The following SPATS2L variants were observed in gnomAD, a reference collection of about 807,000 sequenced individuals.
SPATS2L encodes spermatogenesis associated serine rich 2 like.
Under a neutral mutation model 59.6 loss-of-function variants are expected in SPATS2L, and 30 were observed. The observed-to-expected ratio is 0.50, with a 90% CI of 0.38 to 0.68. SPATS2L has a LOEUF of 0.68. Among genes scored for constraint, SPATS2L ranks in the 30% least tolerant of loss-of-function variants. SPATS2L has a pLI of 0.00. For missense variants in SPATS2L, 615 were observed against 700.0 expected (o/e 0.88, Z 1.37); for synonymous variants, 252 against 263.5 (o/e 0.96, Z 0.42).
intron 2 of SPATS2L, among the ~76,000 whole-genome samples, chr2:200,387,300 C>T (rs1053782227): frequency 6.6e-6 from 1 of 152,142 alleles, no homozygotes; most frequent in Non-Finnish European, 1.5e-5. Flanking sequence ...TAGAACTTAC[C>T]ATTTGGAGGG....
Position 200,418,439 on chromosome 2 carries a change from T to G in SPATS2L, c.199-811T>G, listed in dbSNP as rs192063559. Among the ~76,000 whole-genome samples the G allele has an allele frequency of 2.1e-3, 316 of 152,194 alleles. 1 individual carries two copies. Among genetic ancestry groups the G allele is most frequent in the Non-Finnish European group, 3.4e-3 (234 of 68,006 alleles). ...CATTTTAAAAAATAGCTGCATGTGG[T>G]GGTGCATGCCTGTAGTAACAGCTAC... On this transcript the variant is annotated intron_variant, in intron 5 of 12. Coordinates refer to ENST00000409140, the MANE Select transcript of SPATS2L (RefSeq NM_001100423.2).
chr2:200,425,378 G>A (rs761364425), intron 6 of SPATS2L, among the ~76,000 whole-genome samples: 1 of 152,142 alleles, frequency 6.6e-6, no homozygotes, highest in Non-Finnish European at 1.5e-5. Flanking sequence ...AAAGTCAAAT[G>A]TGTGTATCTA....
intron 2 of SPATS2L, among the ~76,000 whole-genome samples, chr2:200,359,372 A>G (rs1045446351): frequency 1.3e-5 from 2 of 152,158 alleles, no homozygotes; most frequent in Non-Finnish European, 2.9e-5. Context: ...CTTGCACCCT[A>G]ACCTCAGAAT....
chr2:200,402,557 G>A (rs2105960959), intron 3 of SPATS2L, among the ~76,000 whole-genome samples: 1 of 152,254 alleles, frequency 6.6e-6, no homozygotes, highest in Admixed American at 6.5e-5. Flanking sequence ...GTCCTTGGAG[G>A]GGGCTTCCCT....
At chr2:200,459,633 T>C (rs543381146) in intron 8 of SPATS2L, 136 bp from the exon 9 acceptor site, 1 of 703,070 alleles carries the variant, frequency 1.4e-6, no homozygotes, top group Non-Finnish European at 2.4e-6. Context: ...AGTGTACTGC[T>C]GGCATTGTAG....
Position 200,412,313 on chromosome 2 carries a change from C to A in SPATS2L, c.42C>A (p.Ile14=). Residue 14 remains isoleucine, a splice_region_variant and synonymous_variant, in exon 4 of 13, where the codon ATC becomes ATA. Transcript: ENST00000409140. The part of the protein sequence containing the change: ...LNTHVNVKEK[I]YAVRSVVPNK... ...CTTTTTTTTTTTTTCCTTTACAGAT[C>A]TATGCAGTTAGATCAGTTGTTCCCA... 2.0e-6 allele frequency: 3 copies of A among 1,494,408 alleles called. No homozygotes were observed. Among genetic ancestry groups the A allele is most frequent in the Non-Finnish European group, 2.7e-6 (3 of 1,099,194 alleles). 92.6% of individuals were successfully genotyped at this position (1,494,408 alleles called of 1,614,324 possible).
chr2:200,411,459 C>T (rs968946672), intron 3 of SPATS2L, among the ~76,000 whole-genome samples: 1 of 144,192 alleles, frequency 6.9e-6, no homozygotes, highest in Non-Finnish European at 1.5e-5. Flanking sequence ...GATCACTTAC[C>T]TTTGCACCAT....
At chr2:200,365,349 G>A (rs913514681) in intron 2 of SPATS2L, among the ~76,000 whole-genome samples, 3 of 152,176 alleles carry the variant, frequency 2.0e-5, no homozygotes, top group African/African-American at 7.2e-5. Flanking sequence ...AAGATCATGG[G>A]GCTCAAGGAG....
chr2:200,380,277 C>T (rs1181497354), intron 2 of SPATS2L, among the ~76,000 whole-genome samples: 1 of 152,200 alleles, frequency 6.6e-6, no homozygotes, highest in Non-Finnish European at 1.5e-5. Flanking sequence ...AATCTTCATT[C>T]ATAAGCATTT....
intron 12 of SPATS2L, among the ~76,000 whole-genome samples, chr2:200,473,841 AAC>A (rs2087276648): frequency 6.6e-6 from 1 of 152,024 alleles, no homozygotes; most frequent in Admixed American, 6.5e-5. Context: ...CTCTACTAAA[AAC>A]ACAAAATTTA....
At chr2:200,345,685 A>G (rs540790950) in intron 2 of SPATS2L, among the ~76,000 whole-genome samples, 2 of 152,172 alleles carry the variant, frequency 1.3e-5, no homozygotes, top group Non-Finnish European at 2.9e-5. Context: ...ATCATGTATT[A>G]TTAAGGACTC....
intron 1 of SPATS2L, 146 bp downstream of exon 1, chr2:200,307,068 C>T: frequency 1.5e-5 from 10 of 661,770 alleles, no homozygotes; most frequent in Non-Finnish European, 1.9e-5. Context: ...CCTCCCGGAG[C>T]GCTGGGTGTG....
intron 2 of SPATS2L, among the ~76,000 whole-genome samples, chr2:200,357,642 T>G (rs1405989788): frequency 6.6e-6 from 1 of 152,160 alleles, no homozygotes; most frequent in African/African-American, 2.4e-5. Context: ...TGGCTAAATT[T>G]TAAAGCACAG....
intron 8 of SPATS2L, among the ~76,000 whole-genome samples, chr2:200,448,441 A>G (rs2085212766): frequency 6.6e-6 from 1 of 152,214 alleles, no homozygotes; most frequent in African/African-American, 2.4e-5. Context: ...GACACTGTCT[A>G]AACAACAAAA....
chr2:200,335,502 G>A (rs1012657127), intron 2 of SPATS2L, among the ~76,000 whole-genome samples: 3 of 152,162 alleles, frequency 2.0e-5, no homozygotes, highest in African/African-American at 4.8e-5. Context: ...TGGTAGTGAC[G>A]TGGGCAAAAT....
intron 2 of SPATS2L, among the ~76,000 whole-genome samples, chr2:200,379,681 GC>G (rs1259082843): frequency 6.6e-6 from 1 of 152,116 alleles, no homozygotes; most frequent in African/African-American, 2.4e-5. Context: ...GGATTTGCCA[GC>G]GGGTGGTGGG....
chr2:200,416,552 G>A, intron 5 of SPATS2L, 124 bp downstream of exon 5: 1 of 428,210 alleles, frequency 2.3e-6, no homozygotes, highest in Non-Finnish European at 4.1e-6. Flanking sequence ...CACCCAGAAA[G>A]CTTCCAAATT....
At chr2:200,457,319 C>T (rs2085914764) in intron 8 of SPATS2L, among the ~76,000 whole-genome samples, 1 of 152,064 alleles carries the variant, frequency 6.6e-6, no homozygotes, top group African/African-American at 2.4e-5. Flanking sequence ...ATCACAGGAG[C>T]ACAAAGCCTA....
At chr2:200,445,647 A>T (rs1197696813) in intron 8 of SPATS2L, among the ~76,000 whole-genome samples, 1 of 152,210 alleles carries the variant, frequency 6.6e-6, no homozygotes, top group Non-Finnish European at 1.5e-5. Context: ...CTCTCCTTGG[A>T]TATCCAGATA....
Sources: gnomAD v4.1 joint callset for allele counts (sites outside exome capture counted in the v4.1 genomes callset) on GRCh38, gnomAD v4.1.1 for gene constraint, MANE v1.5 for transcripts, NCBI Gene and HGNC (gene_info 2026-07-23, HGNC 2026-07-21) for gene names.